SLC40A1: variants seen among roughly 807,000 people sequenced by gnomAD.
SLC40A1 encodes the protein ferroportin.
A neutral mutation model predicts 53.5 loss-of-function variants in SLC40A1; 16 were observed. The observed-to-expected ratio is 0.30, with a 90% CI of 0.20 to 0.45. The LOEUF (loss-of-function observed/expected upper bound fraction) is 0.45. Ranked by LOEUF, SLC40A1 falls within the 20% of genes least tolerant of loss-of-function variation. The pLI, the probability that SLC40A1 is intolerant of heterozygous loss-of-function variation, is 1.00. For synonymous variants in SLC40A1, 247 were observed against 253.2 expected, an observed-to-expected ratio of 0.98 and a Z score of 0.23; for missense variants, 545 against 695.4, an observed-to-expected ratio of 0.78 and a Z score of 2.43.
rs374522001 is a variant in SLC40A1, at chr2:189,578,736, T to C, written c.111+1077A>G. ...ACACCAATTCCACTTTGTTTACATG[T>C]ATTTGCAGAGTCACCCCTGTGTAAG... On this transcript the variant is annotated intron_variant, in intron 2 of 7. Transcript: ENST00000261024. Among the ~76,000 whole-genome samples, 7 of 152,360 alleles carry C rather than the reference T, an allele frequency of 4.6e-5. No homozygotes were observed. In the East Asian group the frequency reaches 9.6e-4, roughly 21 times the overall value.
intron 5 of SLC40A1, among the ~76,000 whole-genome samples, chr2:189,566,999 CAA>C (rs1201387678): frequency 6.6e-6 from 1 of 152,104 alleles, no homozygotes; most frequent in Non-Finnish European, 1.5e-5. Flanking sequence ...TGGATTTAAC[CAA>C]AGTCTTACCA....
chr2:189,561,893 A>G lies in SLC40A1; in HGVS notation c.1701T>C (p.Asn567=), dbSNP rs1394739378. Reference sequence around the variant, plus strand: ...TTAAACTGTCTCAAACAACAGATGTATTTGCTTGATTTTCCTTCCTAACTT... The same window carrying G: ...TTAAACTGTCTCAAACAACAGATGTGTTTGCTTGATTTTCCTTCCTAACTT... ...AKEVRKENQA[N]TSVV is the part of the protein sequence containing the mutation. The change falls in exon 8 of 8, where the codon AAT becomes AAC. Residue 567 remains asparagine (N), a synonymous_variant. Transcript: ENST00000261024. The G allele has an allele frequency of 1.9e-6, 3 of 1,613,348 alleles. No homozygotes were observed. The highest frequency in any genetic ancestry group is 1.3e-5 in the African/African-American group (1 of 74,896).
chr2:189,561,662 T>G lies in SLC40A1; in HGVS notation c.*216A>C. 1.8e-6 allele frequency: 1 copy of G among 553,462 alleles called. No homozygotes were observed. Among genetic ancestry groups the G allele is most frequent in the Non-Finnish European group, 3.2e-6 (1 of 310,064 alleles). The allele number at this position is 553,462 out of a possible 1,614,324, so 34.3% of individuals were successfully genotyped here. ...TTATAGTCTCCGTATTTAAACTGAGTTTTTCTTTTCCAATTTTTTTTCCAT... is the reference window on the plus strand; with the variant it reads ...TTATAGTCTCCGTATTTAAACTGAGGTTTTCTTTTCCAATTTTTTTTCCAT... On this transcript the variant is annotated 3_prime_UTR_variant, in exon 8 of 8. Transcript: ENST00000261024.
chr2:189,569,148 T>G (rs72916297), intron 5 of SLC40A1, among the ~76,000 whole-genome samples: 10,002 of 152,356 alleles, frequency 0.066, 483 homozygotes, highest in Middle Eastern at 0.12. Flanking sequence ...TTTTTAACCT[T>G]GGCAGGGAAA....
rs1228768917 is a variant in SLC40A1, at chr2:189,572,979, G to C, written c.272-18C>G. 1.3e-6 allele frequency: 2 copies of C among 1,522,676 alleles called. No homozygotes were observed. Among genetic ancestry groups the C allele is most frequent in the Non-Finnish European group, 1.8e-6 (2 of 1,096,718 alleles). 94.3% of individuals were successfully genotyped at this position (1,522,676 alleles called of 1,614,324 possible). A position where few individuals can be genotyped will look rare whatever the true frequency, so the allele number is the denominator to read the frequency against. ...CTGGGCCACTGTGCAGAGGAAGAGA[G>C]AAAGTGTACATTACATCAAAATGTC... On this transcript the variant is annotated intron_variant, in intron 3 of 7. Coordinates refer to ENST00000261024, the MANE Select transcript of SLC40A1 (RefSeq NM_014585.6).
chr2:189,572,812 T>G, intron 4 of SLC40A1, 34 bp downstream of exon 4: 1 of 1,461,356 alleles, frequency 6.8e-7, no homozygotes, highest in Non-Finnish European at 9.6e-7. Context: ...AGATATTCAA[T>G]TTTCTGCCAT....
At chr2:189,575,405 G>A (rs753663112) in intron 2 of SLC40A1, 85 bp from the exon 3 acceptor site, 2 of 1,252,108 alleles carry the variant, frequency 1.6e-6, no homozygotes, top group Non-Finnish European at 2.3e-6. Context: ...TTATCAAAAG[G>A]GCACTTCCTG....
In SLC40A1 at chr2:189,565,547, G is replaced by A. The variant is rs373705898; in HGVS notation, c.567C>T (p.Pro189=). ...RIDQLTNILA[P]MAVGQIMTFG... ...ATGTCATAATCTGGCCAACAGCCAT[G>A]GGGGCTAAGATGTTGGTTAACTGGT... The change falls in exon 6 of 8, where the codon CCC becomes CCT. Residue 189 remains proline, a synonymous_variant. Coordinates refer to ENST00000261024, the MANE Select transcript of SLC40A1 (RefSeq NM_014585.6). 1.3e-5 allele frequency: 21 copies of A among 1,614,120 alleles called. No individual in the cohort carries two copies. The highest frequency in any genetic ancestry group is 1.7e-5 in the Non-Finnish European group (20 of 1,180,040).
intron 5 of SLC40A1, among the ~76,000 whole-genome samples, chr2:189,571,132 A>G (rs1216797285): frequency 6.6e-6 from 1 of 152,172 alleles, no homozygotes; most frequent in Non-Finnish European, 1.5e-5. Context: ...CCACTTGTTT[A>G]TATTCCCAAT....
At chr2:189,568,390 G>T (rs1184960859) in intron 5 of SLC40A1, among the ~76,000 whole-genome samples, 1 of 152,130 alleles carries the variant, frequency 6.6e-6, no homozygotes, top group Admixed American at 6.5e-5. Context: ...TCAGGAGGCT[G>T]AGGCAGGAGA....
rs1359166640 is a variant in SLC40A1, at chr2:189,566,037, T to TGTGC, written c.515-442_515-439dup. Among the ~76,000 whole-genome samples the TGTGC allele has an allele frequency of 3.9e-5, 6 of 152,252 alleles. No homozygotes were observed. In the East Asian group the frequency reaches 9.7e-4, roughly 25 times the overall value. On this transcript the variant is annotated intron_variant, in intron 5 of 7. Transcript: ENST00000261024. Reference sequence around the variant, plus strand: ...ATCAACAAGCATATGTGTGTGTGTGTGTGCGTGTGTGTGTGTGTGTATACA... The same window carrying TGTGC: ...ATCAACAAGCATATGTGTGTGTGTGTGTGCGTGCGTGTGTGTGTGTGTGTATACA...
chr2:189,566,525 G>A (rs2030944211), intron 5 of SLC40A1, among the ~76,000 whole-genome samples: 1 of 152,194 alleles, frequency 6.6e-6, no homozygotes, highest in African/African-American at 2.4e-5. Flanking sequence ...TTTTTAAGAG[G>A]AGCAAAATTA....
At chr2:189,566,312 G>A (rs1004484743) in intron 5 of SLC40A1, among the ~76,000 whole-genome samples, 1 of 152,166 alleles carries the variant, frequency 6.6e-6, no homozygotes, top group African/African-American at 2.4e-5. Flanking sequence ...TTAAGAGACT[G>A]GTGCCAACCC....
Position 189,564,035 on chromosome 2 carries a change from A to G in SLC40A1, c.951T>C (p.Leu317=). 6.2e-7 allele frequency: 1 copy of G among 1,613,790 alleles called. No homozygotes were observed. Among genetic ancestry groups the G allele is most frequent in the South Asian group, 1.1e-5 (1 of 91,064 alleles). ...VFLAGMGLAF[L]YMTVLGFDCI... The stretch of plus-strand genomic sequence containing the variant: ...AGTCAAAGCCCAGGACAGTCATATA[A>G]AGGAAAGCAAGACCCATGCCAGCCA... The change falls in exon 7 of 8, where the codon CTT becomes CTC. Residue 317 remains leucine, a synonymous_variant. Coordinates refer to ENST00000261024, the MANE Select transcript of SLC40A1 (RefSeq NM_014585.6).
At chr2:189,568,257 G>A (rs913145305) in intron 5 of SLC40A1, among the ~76,000 whole-genome samples, 45 of 152,032 alleles carry the variant, frequency 3.0e-4, no homozygotes, top group Non-Finnish European at 6.0e-4. Context: ...GGGAGGCCGA[G>A]GCGGGTGGAT....
chr2:189,568,828 A>T (rs545304482), intron 5 of SLC40A1, among the ~76,000 whole-genome samples: 1 of 152,368 alleles, frequency 6.6e-6, no homozygotes, highest in Non-Finnish European at 1.5e-5. Flanking sequence ...GCTAACTGGC[A>T]GATTATTTTT....
At chr2:189,576,381 G>A (rs2031285991) in intron 2 of SLC40A1, among the ~76,000 whole-genome samples, 1 of 152,154 alleles carries the variant, frequency 6.6e-6, no homozygotes, top group Non-Finnish European at 1.5e-5. Context: ...ATCCTGGTAT[G>A]TCAAATAATT....
chr2:189,573,321 AAACAAT>A (rs2031189000), intron 3 of SLC40A1, among the ~76,000 whole-genome samples: 1 of 152,220 alleles, frequency 6.6e-6, no homozygotes, highest in African/African-American at 2.4e-5. Flanking sequence ...GCTTAAGGTA[AAACAAT>A]AACATGTATG....
At chr2:189,566,566 C>T (rs2030945315) in intron 5 of SLC40A1, among the ~76,000 whole-genome samples, 2 of 152,198 alleles carry the variant, frequency 1.3e-5, no homozygotes, top group African/African-American at 2.4e-5. Flanking sequence ...TGGAATGATA[C>T]AGTAGATAAG....
Sources: gnomAD v4.1 joint callset for allele counts (sites outside exome capture counted in the v4.1 genomes callset) on GRCh38, gnomAD v4.1.1 for gene constraint, MANE v1.5 for transcripts, NCBI Gene and HGNC (gene_info 2026-07-23, HGNC 2026-07-21) for gene names.